Variants in RBFOX1 observed in about 807,000 individuals in gnomAD.
RBFOX1 encodes RNA binding fox-1 homolog 1, also known as RNA binding protein fox-1 homolog 1.
A neutral mutation model predicts 57.7 loss-of-function variants in RBFOX1; 8 were observed. The ratio of observed to expected loss-of-function variants is 0.14; its 90% confidence interval spans 0.08 to 0.25. The LOEUF is 0.25. RBFOX1 is among the 10% of genes least tolerant of loss of function. The pLI is 1.00. For missense variants in RBFOX1, 611 were observed against 548.5 expected (o/e 1.11, Z -1.14); for synonymous variants, 326 against 222.4 (o/e 1.47, Z -4.15).
At chr16:6,940,433 T>G (rs1333403038) in intron 3 of RBFOX1, among the ~76,000 whole-genome samples, 1 of 152,200 alleles carries the variant, frequency 6.6e-6, no homozygotes, top group Admixed American at 6.5e-5. Flanking sequence ...TAATCTTCTC[T>G]CTGTCCACAC....
intron 12 of RBFOX1, among the ~76,000 whole-genome samples, chr16:7,663,565 T>G (rs1043739401): frequency 6.6e-5 from 10 of 152,010 alleles, no homozygotes; most frequent in African/African-American, 2.4e-4. Flanking sequence ...CAATATGCTT[T>G]GCTTACATGT....
At chr16:7,567,505 G>A (rs148129686) in intron 5 of RBFOX1, among the ~76,000 whole-genome samples, 36 of 45,920 alleles carry the variant, frequency 7.8e-4, no homozygotes, top group African/African-American at 1.2e-3. Flanking sequence ...ATATCCCTAT[G>A]TATGGCCCTA....
intron 2 of RBFOX1, among the ~76,000 whole-genome samples, chr16:6,529,192 G>C (rs1355260049): frequency 1.3e-5 from 2 of 152,140 alleles, no homozygotes; most frequent in Non-Finnish European, 2.9e-5. Flanking sequence ...CCCTATTAAA[G>C]AGGGTTGTTT....
intron 4 of RBFOX1, among the ~76,000 whole-genome samples, chr16:5,908,100 A>T (rs942452416): frequency 7.1e-6 from 1 of 141,214 alleles, no homozygotes; most frequent in African/African-American, 2.9e-5. Flanking sequence ...ATATATACAC[A>T]TATATATATA....
At chr16:7,658,678 G>A (rs2066931506) in intron 12 of RBFOX1, among the ~76,000 whole-genome samples, 1 of 152,120 alleles carries the variant, frequency 6.6e-6, no homozygotes, top group Non-Finnish European at 1.5e-5. Flanking sequence ...TACCTATTAG[G>A]TACCGTGCAT....
At chr16:7,710,554 CT>C in intron 15 of RBFOX1, 68 bp from the exon 16 acceptor site, 3 of 1,594,328 alleles carry the variant, frequency 1.9e-6, no homozygotes, top group Admixed American at 1.8e-5. Flanking sequence ...TCACATTAGT[CT>C]TTTTGATGAT....
chr16:7,081,552 G>C (rs937605573), intron 4 of RBFOX1, among the ~76,000 whole-genome samples: 3 of 152,178 alleles, frequency 2.0e-5, no homozygotes, highest in African/African-American at 4.8e-5. Flanking sequence ...AGTAGTGGGA[G>C]TTTTTATATG....
At chr16:6,172,138 TG>T (rs1434211741) in intron 1 of RBFOX1, among the ~76,000 whole-genome samples, 1 of 152,012 alleles carries the variant, frequency 6.6e-6, no homozygotes, top group South Asian at 2.1e-4. Flanking sequence ...TTTTTATCAT[TG>T]GTCAAGGATG....
chr16:7,146,348 C>G (rs561757351), intron 4 of RBFOX1, among the ~76,000 whole-genome samples: 3 of 152,318 alleles, frequency 2.0e-5, no homozygotes, highest in East Asian at 1.9e-4. Context: ...CAGTGATGGT[C>G]TTTCCTATGC....
At chr16:7,232,515 C>A (rs899691255) in intron 4 of RBFOX1, among the ~76,000 whole-genome samples, 1 of 152,092 alleles carries the variant, frequency 6.6e-6, no homozygotes, top group Non-Finnish European at 1.5e-5. Context: ...CTTGTACCCA[C>A]GTAATTCTTA....
intron 3 of RBFOX1, among the ~76,000 whole-genome samples, chr16:6,836,223 GA>G (rs1164892025): frequency 6.6e-6 from 1 of 152,130 alleles, no homozygotes; most frequent in Admixed American, 6.5e-5. Context: ...TCTTGAAAAA[GA>G]AGTTGTCTAA....
At chr16:7,335,970 G>T (rs957282900) in intron 4 of RBFOX1, among the ~76,000 whole-genome samples, 4 of 152,212 alleles carry the variant, frequency 2.6e-5, no homozygotes, top group Non-Finnish European at 4.4e-5. Flanking sequence ...GAAAGGATAA[G>T]AGTAGTATTC....
At chr16:5,698,592 C>T (rs1279875294) in intron 3 of RBFOX1, among the ~76,000 whole-genome samples, 1 of 151,346 alleles carries the variant, frequency 6.6e-6, no homozygotes, top group East Asian at 1.9e-4. Context: ...ACTTCCACTC[C>T]TGAGTATACA....
chr16:6,793,951 A>C (rs1049578532), intron 3 of RBFOX1, among the ~76,000 whole-genome samples: 1 of 152,148 alleles, frequency 6.6e-6, no homozygotes, highest in South Asian at 2.1e-4. Context: ...AGATGAAAAC[A>C]AGAGGGTGGT....
intron 2 of RBFOX1, among the ~76,000 whole-genome samples, chr16:6,584,262 C>A (rs894441199): frequency 1.3e-5 from 2 of 151,334 alleles, no homozygotes; most frequent in East Asian, 3.9e-4. Context: ...TGTGATCAAA[C>A]CACACTTTCA....
At chr16:7,013,828 T>C (rs1196082424) in intron 3 of RBFOX1, among the ~76,000 whole-genome samples, 2 of 152,082 alleles carry the variant, frequency 1.3e-5, no homozygotes, top group Admixed American at 1.3e-4. Flanking sequence ...CAGTTAATTT[T>C]TTAAAAACTT....
At chr16:6,099,951 G>C (rs983534031) in intron 1 of RBFOX1, among the ~76,000 whole-genome samples, 1 of 152,148 alleles carries the variant, frequency 6.6e-6, no homozygotes, top group Admixed American at 6.5e-5. Context: ...TTTACAAGAA[G>C]GTGGTGTAAC....
At chr16:7,259,338 T>C (rs17143097) in intron 4 of RBFOX1, among the ~76,000 whole-genome samples, 11,445 of 152,164 alleles carry the variant, frequency 0.075, 1,184 homozygotes, top group African/African-American at 0.23. Flanking sequence ...ATGCAAATTA[T>C]CTTTAACCAA....
At chr16:5,806,748 C>T (rs544391146) in intron 3 of RBFOX1, among the ~76,000 whole-genome samples, 22 of 152,158 alleles carry the variant, frequency 1.4e-4, no homozygotes, top group East Asian at 3.9e-4. Context: ...GGTAATGCCC[C>T]GGGATAAGCT....
Sources: gnomAD v4.1 joint callset for allele counts (sites outside exome capture counted in the v4.1 genomes callset) on GRCh38, gnomAD v4.1.1 for gene constraint, MANE v1.5 for transcripts, NCBI Gene and HGNC (gene_info 2026-07-23, HGNC 2026-07-21) for gene names.